SRCAP: variants seen among roughly 807,000 people sequenced by gnomAD.
SRCAP encodes chromatin remodeling protein SRCAP.
SRCAP carries 46 observed loss-of-function variants against 263.1 expected under a neutral mutation model. The observed-to-expected ratio is 0.17, with a 90% CI of 0.14 to 0.22. SRCAP has a LOEUF of 0.22. SRCAP is among the 10% of genes least tolerant of loss of function. The probability of loss-of-function intolerance (pLI) is 1.00; values close to 1 mark genes in which losing one functional copy is unlikely to be tolerated. For synonymous variants in SRCAP, 1,813 were observed against 1,662.1 expected (o/e 1.09, Z -2.21); for missense variants, 3,695 against 4,181.9 (o/e 0.88, Z 3.21).
chr16:30,723,934 G>C lies in SRCAP; in HGVS notation c.4510G>C (p.Ala1504Pro). The C allele has an allele frequency of 6.2e-7, 1 of 1,614,124 alleles. No homozygotes were observed. ...ATCTGGTGCTTCCCCGTCAGCATCAGCCTTGACTCTAGGTTTGGCCACAGC... is the reference window on the plus strand; with the variant it reads ...ATCTGGTGCTTCCCCGTCAGCATCACCCTTGACTCTAGGTTTGGCCACAGC... ...APSGASPSAS[A>P]LTLGLATAPS... Residue 1504 changes from alanine (A) to proline (P), a missense_variant, in exon 25 of 34, where the codon GCC becomes CCC. Ala to Pro is a conservative substitution (Grantham distance 27). Coordinates refer to ENST00000262518, the MANE Select transcript of SRCAP (RefSeq NM_006662.3).
At chr16:30,711,455 C>T in intron 10 of SRCAP, 116 bp from the exon 11 acceptor site, 2 of 1,124,120 alleles carry the variant, frequency 1.8e-6, no homozygotes, top group Non-Finnish European at 2.5e-6. Context: ...TTTGCCTCCC[C>T]TCAGACCTGG....
At chr16:30,736,501 A>G (rs1394952169) in intron 32 of SRCAP, 40 bp from the exon 33 acceptor site, 2 of 1,613,252 alleles carry the variant, frequency 1.2e-6, no homozygotes, top group Non-Finnish European at 1.7e-6. Flanking sequence ...GGCCCTGGGT[A>G]CCAGGTTCCT....
intron 4 of SRCAP, among the ~76,000 whole-genome samples, chr16:30,705,849 C>T (rs960607611): frequency 6.6e-6 from 1 of 152,188 alleles, no homozygotes; most frequent in East Asian, 1.9e-4. Flanking sequence ...TGGGACTAAG[C>T]GCTCGCCACT....
At position 30,724,380 on chromosome 16, in the gene SRCAP, C is replaced by T. The variant is rs766365941; in HGVS notation, c.4956C>T (p.Thr1652=). 3 of 1,614,048 alleles carry T rather than the reference C, an allele frequency of 1.9e-6. No individual in the cohort carries two copies. Among genetic ancestry groups the T allele is most frequent in the Non-Finnish European group, 2.5e-6 (3 of 1,180,034 alleles). ...LASASPVPAP[T]PVLAPSSTQT... is the part of the protein sequence containing the mutation. ...CAGCTTCACCGGTACCAGCTCCAAC[C>T]CCTGTGTTGGCTCCATCATCAACTC... Residue 1652 remains threonine (T), a synonymous_variant, in exon 25 of 34, where the codon ACC becomes ACT. Transcript: ENST00000262518.
chr16:30,704,354 A>G (rs757534967), intron 4 of SRCAP, 39 bp downstream of exon 4: 2 of 1,542,486 alleles, frequency 1.3e-6, no homozygotes, highest in South Asian at 1.2e-5. Flanking sequence ...CTTGGGAGTT[A>G]TCTTCCGTAA....
chr16:30,732,423 C>T (rs1183766341), intron 27 of SRCAP, among the ~76,000 whole-genome samples: 3 of 151,390 alleles, frequency 2.0e-5, no homozygotes, highest in Admixed American at 6.6e-5. Context: ...TGCACTCCAG[C>T]CTGGGCAACA....
chr16:30,723,589 G>A lies in SRCAP; in HGVS notation c.4165G>A (p.Ala1389Thr). The A allele has an allele frequency of 6.2e-7, 1 of 1,611,736 alleles. No individual in the cohort carries two copies. The highest frequency in any genetic ancestry group is 8.5e-7 in the Non-Finnish European group (1 of 1,178,746). ...HSPSPEVSASAPGAAPLTISS... is the reference protein window; with the variant it reads ...HSPSPEVSASTPGAAPLTISS... ...CTCATCCTCTCTCTCCACAGCTTCA[G>A]CCCCCGGAGCTGCCCCCTTGACCAT... Residue 1389 changes from alanine (A) to threonine (T), a missense_variant, in exon 25 of 34, where the codon GCC (alanine) becomes ACC (threonine). Coordinates refer to ENST00000262518, the MANE Select transcript of SRCAP (RefSeq NM_006662.3).
intron 3 of SRCAP, among the ~76,000 whole-genome samples, chr16:30,701,764 G>A (rs1303447841): frequency 6.6e-6 from 1 of 151,210 alleles, no homozygotes; most frequent in Non-Finnish European, 1.5e-5. Context: ...CGAGTAGCTG[G>A]GATTATAGGC....
chr16:30,720,301 G>A lies in SRCAP; in HGVS notation c.2957G>A (p.Arg986Gln). The part of the protein sequence containing the change: ...EVATAPDPPP[R>Q]PKPVKMKVNR... The stretch of plus-strand genomic sequence containing the variant: ...GCTACTGCTCCTGACCCCCCACCCC[G>A]GCCCAAGCCAGTCAAGATGAAGGTC... Residue 986 changes from arginine (R) to glutamine (Q), a missense_variant, in exon 19 of 34, where the codon CGG becomes CAG. Physicochemically the swap from Arg to Gln is conservative, Grantham distance 43. This residue lies in a region of SRCAP where 147 missense variants were observed against 212.7 expected (regional missense o/e 0.69). Transcript: ENST00000262518. 6.2e-7 allele frequency: 1 copy of A among 1,613,484 alleles called. No individual in the cohort carries two copies. Among genetic ancestry groups the A allele is most frequent in the Non-Finnish European group, 8.5e-7 (1 of 1,179,650 alleles).
intron 1 of SRCAP, among the ~76,000 whole-genome samples, chr16:30,699,650 T>C (rs1443546052): frequency 6.6e-6 from 1 of 152,174 alleles, no homozygotes; most frequent in Non-Finnish European, 1.5e-5. Context: ...TGCTGTATTT[T>C]TTTTTTGTCT....
intron 7 of SRCAP, 31 bp downstream of exon 7, chr16:30,709,766 C>T: frequency 6.2e-7 from 1 of 1,613,930 alleles, no homozygotes; most frequent in Non-Finnish European, 8.5e-7. Flanking sequence ...TGTTACTCTT[C>T]CTCATGTACC....
Position 30,728,962 on chromosome 16 carries a change from C to T in SRCAP, c.5659-4C>T, listed in dbSNP as rs1247635318. 1 of 1,609,328 alleles carries T rather than the reference C, an allele frequency of 6.2e-7. No homozygotes were observed. The highest frequency in any genetic ancestry group is 1.7e-5 in the Admixed American group (1 of 59,754). On this transcript the variant is annotated splice_polypyrimidine_tract_variant and splice_region_variant and intron_variant, in intron 25 of 33. Transcript: ENST00000262518. ...ATTACTTCCTCTTTTTCTCTCACCC[C>T]CAGGACTCCCTGGAGGAAAAGCGGA...
rs1356837440 is a variant in SRCAP, at chr16:30,739,212, G to A, written c.9172G>A (p.Asp3058Asn). ...GESEGSSSDE[D>N]GSRPLTRLAR... is the part of the protein sequence containing the mutation. ...GAGTGAGGGTAGTTCCTCTGATGAG[G>A]ATGGAAGCCGCCCCCTCACCCGCCT... Residue 3058 changes from aspartate to asparagine, a missense_variant, in exon 34 of 34, where the codon GAT (aspartate) becomes AAT (asparagine). Asp to Asn is a conservative substitution (Grantham distance 23). Transcript: ENST00000262518. 1.2e-6 allele frequency: 2 copies of A among 1,613,600 alleles called. No individual in the cohort carries two copies. Among genetic ancestry groups the A allele is most frequent in the Admixed American group, 1.7e-5 (1 of 60,030 alleles).
In SRCAP at chr16:30,700,776, C is replaced by G. The variant is rs1028931008; in HGVS notation, c.-49C>G. The G allele has an allele frequency of 6.4e-7, 1 of 1,572,976 alleles. No individual in the cohort carries two copies. Among genetic ancestry groups the G allele is most frequent in the Non-Finnish European group, 8.7e-7 (1 of 1,143,984 alleles). On this transcript the variant is annotated 5_prime_UTR_variant, in exon 3 of 34. Coordinates refer to ENST00000262518, the MANE Select transcript of SRCAP (RefSeq NM_006662.3). ...CCTCGGCCAGCAGTACTGGTGATAACAACCCAGTCATTCTTCAGGCATCCA... is the reference window on the plus strand; with the variant it reads ...CCTCGGCCAGCAGTACTGGTGATAAGAACCCAGTCATTCTTCAGGCATCCA...
In SRCAP at chr16:30,737,869, C is replaced by T. The variant is rs1318322239; in HGVS notation, c.7829C>T (p.Thr2610Ile). 1.2e-6 allele frequency: 2 copies of T among 1,614,228 alleles called. No individual in the cohort carries two copies. Among genetic ancestry groups the T allele is most frequent in the Non-Finnish European group, 1.7e-6 (2 of 1,180,036 alleles). Reference protein sequence around the residue: ...LSLTPSAPSLTLEAGSIPNGQ... With the variant: ...LSLTPSAPSLILEAGSIPNGQ... Reference sequence around the variant, plus strand: ...CTCACCCCTTCTGCACCCAGCCTGACCTTGGAGGCTGGCAGCATCCCCAAT... The same window carrying T: ...CTCACCCCTTCTGCACCCAGCCTGATCTTGGAGGCTGGCAGCATCCCCAAT... Residue 2610 changes from threonine (T) to isoleucine (I), a missense_variant, in exon 34 of 34, where the codon ACC (threonine) becomes ATC (isoleucine). By Grantham distance (89) the Thr-to-Ile change is moderately conservative (BLOSUM62 -1). This residue lies in a region of SRCAP where 1,207 missense variants were observed against 1,142.9 expected (regional missense o/e 1.06). Transcript: ENST00000262518.
At position 30,724,818 on chromosome 16, in the gene SRCAP, G is replaced by A. The variant is rs1327225604; in HGVS notation, c.5394G>A (p.Leu1798=). The A allele has an allele frequency of 7.4e-6, 12 of 1,613,720 alleles. No homozygotes were observed. The highest frequency in any genetic ancestry group is 1.0e-5 in the Non-Finnish European group (12 of 1,179,814). ...TGAGCCCTGCCCCAGTTCCTACCCT[G>A]GGCCCGGCCGCAGCTCAGACCTTGG... ...LTLSPAPVPT[L]GPAAAQTLAL... Residue 1798 remains leucine, a synonymous_variant, in exon 25 of 34, where the codon CTG becomes CTA. Coordinates refer to ENST00000262518, the MANE Select transcript of SRCAP (RefSeq NM_006662.3).
chr16:30,739,608 C>T lies in SRCAP; in HGVS notation c.9568C>T (p.Arg3190Cys), dbSNP rs1311538053. The part of the protein sequence containing the change: ...EEEGDGTPRR[R>C]PGPRRLVGTT... Reference sequence around the variant, plus strand: ...GGAAGGGGATGGGACCCCACGCCGACGTCCTGGCCCCCGCCGGCTTGTTGG... The same window carrying T: ...GGAAGGGGATGGGACCCCACGCCGATGTCCTGGCCCCCGCCGGCTTGTTGG... The change falls in exon 34 of 34, where the codon CGT becomes TGT. Residue 3190 changes from arginine to cysteine, a missense_variant. Coordinates refer to ENST00000262518, the MANE Select transcript of SRCAP (RefSeq NM_006662.3). 2.1e-5 allele frequency: 34 copies of T among 1,593,718 alleles called. No individual in the cohort carries two copies. The highest frequency in any genetic ancestry group is 1.1e-4 in the Admixed American group (6 of 56,624).
chr16:30,712,663 T>C lies in SRCAP; in HGVS notation c.1994-16T>C, dbSNP rs2151288825. 6.2e-7 allele frequency: 1 copy of C among 1,613,336 alleles called. No homozygotes were observed. The highest frequency in any genetic ancestry group is 8.5e-7 in the Non-Finnish European group (1 of 1,179,538). On this transcript the variant is annotated splice_polypyrimidine_tract_variant and intron_variant, in intron 13 of 33. Transcript: ENST00000262518. ...ATTTACATTTCCTTACCATCTCTGA[T>C]TTTTTTGCCTAACAGGTAACTGGGG...
At position 30,738,883 on chromosome 16, in the gene SRCAP, T is replaced by G; in HGVS notation, c.8843T>G (p.Leu2948Trp). ...RRGRPPKARD[L>W]PIPGTISSAG... The stretch of plus-strand genomic sequence containing the variant: ...GGACGACCCCCTAAAGCACGAGATT[T>G]GCCCATCCCTGGGACCATTTCCTCT... Residue 2948 changes from leucine (L) to tryptophan (W), a missense_variant, in exon 34 of 34, where the codon TTG becomes TGG. Physicochemically the swap from Leu to Trp is moderately conservative, Grantham distance 61. Around this residue, in one of 12 missense-constraint regions of SRCAP, gnomAD observed 1,207 missense variants for 1,142.9 expected, o/e 1.06. Transcript: ENST00000262518. 6.2e-7 allele frequency: 1 copy of G among 1,614,124 alleles called. No individual in the cohort carries two copies. Among genetic ancestry groups the G allele is most frequent in the Non-Finnish European group, 8.5e-7 (1 of 1,180,018 alleles).
Sources: allele counts gnomAD v4.1 joint callset (sites outside exome capture counted in the v4.1 genomes callset), GRCh38; gene constraint gnomAD v4.1.1; regional missense constraint gnomAD v4.1.1; transcripts MANE v1.5; gene names NCBI Gene and HGNC (gene_info 2026-07-23, HGNC 2026-07-21).